The following CLEC16A variants were observed in gnomAD, a reference collection of about 807,000 sequenced individuals.
The protein encoded by CLEC16A is protein CLEC16A.
CLEC16A carries 51 observed loss-of-function variants against 109.5 expected under a neutral mutation model. The observed-to-expected ratio is 0.47, with a 90% CI of 0.37 to 0.59. The LOEUF (loss-of-function observed/expected upper bound fraction) is 0.59, where lower values mean the gene tolerates loss of function less well. Among genes scored for constraint, CLEC16A ranks in the 20% least tolerant of loss-of-function variants. CLEC16A has a pLI of 0.00. For synonymous variants in CLEC16A, 673 were observed against 564.2 expected (o/e 1.19, Z -2.73); for missense variants, 1,339 against 1,394.0 (o/e 0.96, Z 0.63).
At chr16:10,990,524 T>G (rs2043943382) in intron 10 of CLEC16A, among the ~76,000 whole-genome samples, 2 of 152,206 alleles carry the variant, frequency 1.3e-5, no homozygotes, top group Middle Eastern at 3.2e-3. Flanking sequence ...GGTTTTGGCC[T>G]TGGGCCAGCT....
intron 19 of CLEC16A, among the ~76,000 whole-genome samples, chr16:11,106,921 C>G (rs2051258672): frequency 6.6e-6 from 1 of 152,166 alleles, no homozygotes; most frequent in Non-Finnish European, 1.5e-5. Flanking sequence ...CGGCTTGGGA[C>G]TGTTGCCCTG....
chr16:10,989,959 C>T (rs918962743), intron 10 of CLEC16A, among the ~76,000 whole-genome samples: 4 of 152,212 alleles, frequency 2.6e-5, no homozygotes, highest in East Asian at 1.9e-4. Context: ...GCACCCCTTC[C>T]GGCCAGGATT....
intron 22 of CLEC16A, among the ~76,000 whole-genome samples, chr16:11,143,134 C>T (rs2153068854): frequency 6.6e-6 from 1 of 152,310 alleles, no homozygotes; most frequent in East Asian, 1.9e-4. Context: ...ATTTATTGAG[C>T]ACCTACTGTG....
Position 11,144,364 on chromosome 16 carries a change from C to T in CLEC16A, c.2641+18218C>T, listed in dbSNP as rs191159413. ...ATAGCCCTTGGGTCAGCTCTTTGCT[C>T]CTCCAGGCAGACAGCTGTGTTCATT... On this transcript the variant is annotated intron_variant, in intron 22 of 23. Coordinates refer to ENST00000409790, the MANE Select transcript of CLEC16A (RefSeq NM_015226.3). 2.9e-3 allele frequency among the ~76,000 whole-genome samples: 435 copies of T among 152,292 alleles called. 2 individuals are homozygous for T. Among genetic ancestry groups the T allele is most frequent in the Non-Finnish European group, 2.8e-3 (190 of 68,036 alleles).
chr16:11,075,261 A>G (rs2049284082), intron 19 of CLEC16A, among the ~76,000 whole-genome samples: 1 of 152,198 alleles, frequency 6.6e-6, no homozygotes. Flanking sequence ...TCCGAGGCAC[A>G]TCAACCCTTG....
chr16:11,075,842 A>G (rs989503487), intron 19 of CLEC16A, among the ~76,000 whole-genome samples: 1 of 152,074 alleles, frequency 6.6e-6, no homozygotes, highest in African/African-American at 2.4e-5. Flanking sequence ...TGGCGTCTTG[A>G]TAGAGCCCAG....
intron 19 of CLEC16A, among the ~76,000 whole-genome samples, chr16:11,111,457 C>T (rs2051579274): frequency 6.6e-6 from 1 of 152,278 alleles, no homozygotes; most frequent in South Asian, 2.1e-4. Context: ...AGCATCACTT[C>T]CATTGGTACT....
At chr16:11,134,858 C>G (rs965316389) in intron 22 of CLEC16A, among the ~76,000 whole-genome samples, 1 of 152,222 alleles carries the variant, frequency 6.6e-6, no homozygotes. Context: ...AGGGATGCCC[C>G]TGGTCTAGAC....
intron 22 of CLEC16A, chr16:11,136,010 C>T (rs1020359519): frequency 2.0e-5 from 3 of 152,260 alleles, no homozygotes; most frequent in African/African-American, 7.2e-5. Context: ...ATGATCAATC[C>T]CAGCATCCTT....
rs1031778250 is a variant in CLEC16A at position 10,944,606 on chromosome 16, C to G, written c.-112C>G. The G allele has an allele frequency of 1.0e-5, 11 of 1,067,264 alleles. No homozygotes were observed. The highest frequency in any genetic ancestry group is 1.5e-5 in the Non-Finnish European group (11 of 736,494). 66.1% of individuals were successfully genotyped at this position (1,067,264 alleles called of 1,614,324 possible). On this transcript the variant is annotated 5_prime_UTR_variant, in exon 1 of 24. Transcript: ENST00000409790. ...CGGGGAGGAAGGCGGCTCGCGGTTC[C>G]TCCACCGCCTCCGCCGCCGCATCCT...
At chr16:10,976,357 T>TC (rs2043030659) in intron 7 of CLEC16A, among the ~76,000 whole-genome samples, 1 of 151,780 alleles carries the variant, frequency 6.6e-6, no homozygotes, top group Non-Finnish European at 1.5e-5. Flanking sequence ...TTTTTTTTTT[T>TC]CAAGTATATA....
chr16:10,965,694 C>A (rs774748718), intron 3 of CLEC16A, among the ~76,000 whole-genome samples: 3 of 152,322 alleles, frequency 2.0e-5, no homozygotes, highest in Non-Finnish European at 4.4e-5. Context: ...ACTGAGATTA[C>A]GTACAGGCTC....
At chr16:11,010,072 G>A (rs2045307683) in intron 11 of CLEC16A, among the ~76,000 whole-genome samples, 1 of 152,114 alleles carries the variant, frequency 6.6e-6, no homozygotes, top group African/African-American at 2.4e-5. Context: ...AGGATCCCTT[G>A]AGCCCAGGAG....
At chr16:11,033,454 C>G (rs1411906036) in intron 13 of CLEC16A, among the ~76,000 whole-genome samples, 1 of 152,144 alleles carries the variant, frequency 6.6e-6, no homozygotes, top group Admixed American at 6.5e-5. Flanking sequence ...GGCCCAGGTG[C>G]CTGGGGAAGC....
intron 13 of CLEC16A, among the ~76,000 whole-genome samples, chr16:11,038,187 A>G (rs1451397219): frequency 2.0e-5 from 3 of 152,206 alleles, no homozygotes; most frequent in Non-Finnish European, 2.9e-5. Flanking sequence ...TATTACATCA[A>G]TGTGCATGTG....
At chr16:11,076,295 C>T (rs2049370008) in intron 19 of CLEC16A, among the ~76,000 whole-genome samples, 1 of 152,222 alleles carries the variant, frequency 6.6e-6, no homozygotes, top group Admixed American at 6.5e-5. Flanking sequence ...CCACCGGCTT[C>T]AGGGTGCCCC....
chr16:11,160,795 T>A (rs142612221), intron 22 of CLEC16A, among the ~76,000 whole-genome samples: 1 of 152,220 alleles, frequency 6.6e-6, no homozygotes, highest in Non-Finnish European at 1.5e-5. Context: ...AACTCCTTCC[T>A]TTTCAGTGCT....
intron 9 of CLEC16A, 38 bp from the exon 10 acceptor site, chr16:10,982,840 C>A: frequency 1.6e-6 from 2 of 1,225,014 alleles, no homozygotes; most frequent in Non-Finnish European, 2.4e-6. Context: ...AAATACCGCA[C>A]ACTTTCATGC....
chr16:11,071,908 G>A (rs1206707896), intron 19 of CLEC16A, among the ~76,000 whole-genome samples: 1 of 151,816 alleles, frequency 6.6e-6, no homozygotes, highest in African/African-American at 2.4e-5. Context: ...TCTTTCTTGA[G>A]TGTGATAATG....
Sources: gnomAD v4.1 joint callset for allele counts (sites outside exome capture counted in the v4.1 genomes callset) on GRCh38, gnomAD v4.1.1 for gene constraint, MANE v1.5 for transcripts, NCBI Gene and HGNC (gene_info 2026-07-23, HGNC 2026-07-21) for gene names.